The following MRC1 variants were observed in gnomAD, a reference collection of about 807,000 sequenced individuals.
MRC1 encodes mannose receptor C-type 1, also known as macrophage mannose receptor 1.
Under a neutral mutation model 102.9 loss-of-function variants are expected in MRC1, and 62 were observed. That is an observed-to-expected ratio of 0.60 (90% CI 0.49 to 0.74). The LOEUF (loss-of-function observed/expected upper bound fraction) is 0.74, where lower values mean the gene tolerates loss of function less well. Among genes scored for constraint, MRC1 ranks in the 30% least tolerant of loss-of-function variants. MRC1 has a pLI of 0.00. For missense variants in MRC1, 1,237 were observed against 862.8 expected (o/e 1.43, Z -5.43); for synonymous variants, 457 against 298.4 (o/e 1.53, Z -5.48).
intron 2 of MRC1, 96 bp downstream of exon 2, chr10:17,823,571 G>A: frequency 1.3e-6 from 1 of 761,162 alleles, no homozygotes; most frequent in South Asian, 1.4e-5. Context: ...TGTTTGGCGT[G>A]TACTAGAAAT....
At chr10:17,832,014 A>G (rs1838581601) in intron 3 of MRC1, among the ~76,000 whole-genome samples, 1 of 151,688 alleles carries the variant, frequency 6.6e-6, no homozygotes, top group South Asian at 2.1e-4. Flanking sequence ...CCTGTATTAA[A>G]TATATTCTAG....
intron 1 of MRC1, among the ~76,000 whole-genome samples, chr10:17,817,298 G>A (rs1167749916): frequency 6.6e-6 from 1 of 150,552 alleles, no homozygotes; most frequent in African/African-American, 2.4e-5. Context: ...GTTACTGGAT[G>A]TTTAGTCTTT....
intron 22 of MRC1, among the ~76,000 whole-genome samples, chr10:17,893,090 T>A (rs1833703486): frequency 6.6e-6 from 1 of 152,050 alleles, no homozygotes; most frequent in Non-Finnish European, 1.5e-5. Flanking sequence ...AGCAAAGTGA[T>A]TTGACCAGGT....
chr10:17,842,203 T>C (rs1255171161), intron 5 of MRC1, among the ~76,000 whole-genome samples: 1 of 152,232 alleles, frequency 6.6e-6, no homozygotes, highest in African/African-American at 2.4e-5. Context: ...ACTCAAGTGA[T>C]GTGGCCTGCC....
intron 2 of MRC1, among the ~76,000 whole-genome samples, chr10:17,824,281 T>C (rs1838441095): frequency 6.6e-6 from 1 of 152,252 alleles, no homozygotes; most frequent in Non-Finnish European, 1.5e-5. Context: ...AGTCAGATGA[T>C]GTTATAATCA....
At chr10:17,814,646 G>A (rs1838277722) in intron 1 of MRC1, among the ~76,000 whole-genome samples, 1 of 147,078 alleles carries the variant, frequency 6.8e-6, no homozygotes, top group African/African-American at 2.5e-5. Flanking sequence ...TAGAAACCCT[G>A]CAGTTCCGTG....
chr10:17,898,636 T>G (rs1216814706), intron 24 of MRC1, among the ~76,000 whole-genome samples: 1 of 152,206 alleles, frequency 6.6e-6, no homozygotes, highest in Non-Finnish European at 1.5e-5. Flanking sequence ...TAGTTGCCAG[T>G]GATGGGGACA....
At position 17,870,368 on chromosome 10, in the gene MRC1, A is replaced by G. The variant is rs2130675478; in HGVS notation, c.2106A>G (p.Leu702=). 1 of 780,402 alleles carries G rather than the reference A, an allele frequency of 1.3e-6. No individual in the cohort carries two copies. 48.3% of individuals were successfully genotyped at this position (780,402 alleles called of 1,614,324 possible). A position where few individuals can be genotyped will look rare whatever the true frequency, so the allele number is the denominator to read the frequency against. ...AGGAACAGCAAACAATATGGCGATT[A>G]ATAACGTAAGTGGTATTTTTATGGA... The part of the protein sequence containing the change: ...NKEEQQTIWR[L]ITASGSYHKL... Residue 702 remains leucine (L), a synonymous_variant, in exon 13 of 30, where the codon TTA becomes TTG. Transcript: ENST00000569591.
At chr10:17,889,058 G>A (rs2130702720) in intron 22 of MRC1, among the ~76,000 whole-genome samples, 1 of 152,108 alleles carries the variant, frequency 6.6e-6, no homozygotes, top group East Asian at 1.9e-4. Context: ...CCTATAGTCT[G>A]CTCTGTCTGA....
At chr10:17,819,016 T>C (rs1235164376) in intron 1 of MRC1, among the ~76,000 whole-genome samples, 3 of 152,146 alleles carry the variant, frequency 2.0e-5, no homozygotes. Flanking sequence ...CTGGGTACAG[T>C]GGTTCCCTTT....
chr10:17,813,256 C>A (rs1245753031), intron 1 of MRC1, among the ~76,000 whole-genome samples: 2 of 152,286 alleles, frequency 1.3e-5, no homozygotes, highest in East Asian at 3.9e-4. Flanking sequence ...TTAGGTTATT[C>A]CTGTTGCCAT....
chr10:17,887,895 C>T (rs1157478158), intron 22 of MRC1, among the ~76,000 whole-genome samples: 7 of 152,142 alleles, frequency 4.6e-5, no homozygotes, highest in African/African-American at 9.7e-5. Context: ...TTCCACCTCC[C>T]GGGTTCACGT....
chr10:17,873,923 A>G (rs1833390459), intron 16 of MRC1, 98 bp downstream of exon 16: 8 of 805,450 alleles, frequency 9.9e-6, no homozygotes, highest in Admixed American at 9.0e-5. Context: ...GAAGGTAGAG[A>G]GCAGAAGTCC....
chr10:17,896,236 T>C (rs903297953), intron 23 of MRC1, among the ~76,000 whole-genome samples: 24 of 152,166 alleles, frequency 1.6e-4, no homozygotes, highest in Non-Finnish European at 3.1e-4. Flanking sequence ...ATTTTGGAAA[T>C]CAGGGAACTA....
At chr10:17,838,192 C>A (rs1838697923) in intron 4 of MRC1, among the ~76,000 whole-genome samples, 1 of 152,110 alleles carries the variant, frequency 6.6e-6, no homozygotes, top group South Asian at 2.1e-4. Context: ...CCCGGGGATC[C>A]GCTGGTTCCC....
rs1486456885 is a variant in MRC1 at position 17,823,090 on chromosome 10, A to C, written c.78A>C (p.Leu26Phe). 1 of 780,734 alleles carries C rather than the reference A, an allele frequency of 1.3e-6. No homozygotes were observed. Among genetic ancestry groups the C allele is most frequent in the East Asian group, 2.4e-5 (1 of 41,276 alleles). The allele number at this position is 780,734 out of a possible 1,614,324, so 48.4% of individuals were successfully genotyped here. Residue 26 changes from leucine (L) to phenylalanine (F), a missense_variant, in exon 2 of 30, where the codon TTA becomes TTC. By Grantham distance (22) the Leu-to-Phe change is conservative. Transcript: ENST00000569591. ...TTTAAACAGACACCAGGCAATTTTT[A>C]ATCTATAATGAAGATCACAAGCGCT... ...AVLLLDTRQF[L>F]IYNEDHKRCV...
At chr10:17,812,855 G>A (rs1313049567) in intron 1 of MRC1, among the ~76,000 whole-genome samples, 1 of 152,130 alleles carries the variant, frequency 6.6e-6, no homozygotes, top group African/African-American at 2.4e-5. Flanking sequence ...ACAGGCATGA[G>A]CCACCACACC....
rs1564620863 is a variant in MRC1, at chr10:17,870,196, T to G, written c.1984-50T>G. 90 of 752,032 alleles carry G rather than the reference T, an allele frequency of 1.2e-4. 2 individuals carry two copies. Among genetic ancestry groups the G allele is most frequent in the Non-Finnish European group, 1.2e-5 (5 of 406,790 alleles). The allele number at this position is 752,032 out of a possible 1,614,324, so 46.6% of individuals were successfully genotyped here. On this transcript the variant is annotated intron_variant, in intron 12 of 29. Transcript: ENST00000569591. ...AAAGTAAATATTTGTTTCTCTTAAT[T>G]TGATAAACTACAAAGCATAAAATAA...
intron 27 of MRC1, 38 bp downstream of exon 27, chr10:17,907,037 G>C: frequency 1.3e-6 from 1 of 778,710 alleles, no homozygotes; most frequent in East Asian, 2.4e-5. Context: ...CACAAATATT[G>C]TAAAATGTTG....
Sources: gnomAD v4.1 joint callset for allele counts (sites outside exome capture counted in the v4.1 genomes callset) on GRCh38, gnomAD v4.1.1 for gene constraint, MANE v1.5 for transcripts, NCBI Gene and HGNC (gene_info 2026-07-23, HGNC 2026-07-21) for gene names.